DLGAP2: variants seen among roughly 807,000 people sequenced by gnomAD.
DLGAP2 encodes the protein disks large-associated protein 2.
A neutral mutation model predicts 100.3 loss-of-function variants in DLGAP2; 26 were observed. The observed-to-expected ratio is 0.26, with a 90% confidence interval of 0.19 to 0.36. The LOEUF is 0.36. Among genes scored for constraint, DLGAP2 ranks in the 10% least tolerant of loss-of-function variants. DLGAP2 has a pLI of 1.00. For synonymous variants in DLGAP2, 886 were observed against 630.1 expected, an observed-to-expected ratio of 1.41 and a Z score of -6.08; for missense variants, 1,858 against 1,453.2, an observed-to-expected ratio of 1.28 and a Z score of -4.53.
At chr8:1,581,000 A>G (rs1163386855) in intron 6 of DLGAP2, among the ~76,000 whole-genome samples, 1 of 151,978 alleles carries the variant, frequency 6.6e-6, no homozygotes, top group African/African-American at 2.4e-5. Flanking sequence ...GGATACAGAC[A>G]AAACCCCACA....
intron 2 of DLGAP2, among the ~76,000 whole-genome samples, chr8:1,062,656 C>T (rs1803121603): frequency 1.3e-5 from 2 of 152,188 alleles, no homozygotes; most frequent in East Asian, 3.9e-4. Flanking sequence ...CCCTCCCTCC[C>T]TCCTGGCCAT....
intron 1 of DLGAP2, among the ~76,000 whole-genome samples, chr8:809,168 G>C (rs1225996019): frequency 2.0e-5 from 3 of 152,238 alleles, no homozygotes; most frequent in African/African-American, 7.2e-5. Flanking sequence ...GCCTCCCAAA[G>C]TGCTGGAATT....
chr8:1,203,343 C>A (rs912811960), intron 2 of DLGAP2, among the ~76,000 whole-genome samples: 1 of 151,970 alleles, frequency 6.6e-6, no homozygotes, highest in Non-Finnish European at 1.5e-5. Context: ...GCCACCCACC[C>A]CTCGGTGTTA....
chr8:925,776 C>T (rs758835739), intron 2 of DLGAP2, among the ~76,000 whole-genome samples: 14 of 152,134 alleles, frequency 9.2e-5, no homozygotes, highest in Non-Finnish European at 1.6e-4. Flanking sequence ...CTGAGATCTG[C>T]TCAGCCAGCT....
intron 2 of DLGAP2, among the ~76,000 whole-genome samples, chr8:993,935 T>C (rs1445512985): frequency 6.6e-6 from 1 of 152,038 alleles, no homozygotes; most frequent in Non-Finnish European, 1.5e-5. Flanking sequence ...CGGCTGGTAA[T>C]TTTCCCTTTT....
intron 5 of DLGAP2, among the ~76,000 whole-genome samples, chr8:1,559,416 T>C (rs1802082958): frequency 6.6e-6 from 1 of 152,184 alleles, no homozygotes; most frequent in African/African-American, 2.4e-5. Flanking sequence ...AGTATTGCTC[T>C]TCTGTTCTTT....
At chr8:1,200,605 C>T (rs962541354) in intron 2 of DLGAP2, among the ~76,000 whole-genome samples, 2 of 152,188 alleles carry the variant, frequency 1.3e-5, no homozygotes, top group African/African-American at 2.4e-5. Context: ...CGTCCATTAG[C>T]GTCACCAAAG....
intron 3 of DLGAP2, among the ~76,000 whole-genome samples, chr8:1,427,180 A>G (rs907694507): frequency 2.0e-5 from 3 of 152,220 alleles, no homozygotes; most frequent in African/African-American, 7.2e-5. Context: ...CTAGCATTAA[A>G]TTTCATAAAA....
rs957632294 is a variant in DLGAP2 at position 1,635,377 on chromosome 8, G to A, written c.1810+2331G>A. Among the ~76,000 whole-genome samples, 3 of 152,188 alleles carry A rather than the reference G, an allele frequency of 2.0e-5. No homozygotes were observed. The East Asian group carries it at 5.8e-4, about 29-fold the overall frequency. On this transcript the variant is annotated intron_variant, in intron 8 of 14. Coordinates refer to ENST00000637795, the MANE Select transcript of DLGAP2 (RefSeq NM_001346810.2). The stretch of plus-strand genomic sequence containing the variant: ...TTCATCCAAAGTTTCCTGTCCGTGA[G>A]TCAGGCGGATTTCAAAAATTTTCTA...
At chr8:777,679 C>T (rs973665813) in intron 1 of DLGAP2, among the ~76,000 whole-genome samples, 3 of 152,024 alleles carry the variant, frequency 2.0e-5, no homozygotes, top group Non-Finnish European at 2.9e-5. Context: ...AATATTGGCC[C>T]CCACTCTCTT....
chr8:1,458,586 T>C (rs539162631), intron 3 of DLGAP2, among the ~76,000 whole-genome samples: 32 of 152,316 alleles, frequency 2.1e-4, no homozygotes, highest in African/African-American at 7.7e-4. Flanking sequence ...TTCTGCAAAG[T>C]GGTGTGTAAA....
At chr8:1,027,956 C>T (rs1247921550) in intron 2 of DLGAP2, among the ~76,000 whole-genome samples, 3 of 140,812 alleles carry the variant, frequency 2.1e-5, no homozygotes, top group Non-Finnish European at 1.5e-5. Flanking sequence ...CGGTGCCAGG[C>T]GCTCGTTATT....
chr8:1,207,321 C>G (rs746743825), intron 2 of DLGAP2, among the ~76,000 whole-genome samples: 7 of 152,332 alleles, frequency 4.6e-5, no homozygotes, highest in Non-Finnish European at 8.8e-5. Flanking sequence ...TAAGTGAGCA[C>G]ATACAATGTT....
intron 3 of DLGAP2, among the ~76,000 whole-genome samples, chr8:1,431,456 C>G (rs1435715731): frequency 6.6e-6 from 1 of 152,188 alleles, no homozygotes; most frequent in Non-Finnish European, 1.5e-5. Flanking sequence ...TAGACTCTAC[C>G]CGTGGGCAAA....
chr8:1,572,538 G>A (rs1329527586), intron 6 of DLGAP2, among the ~76,000 whole-genome samples: 1 of 136,512 alleles, frequency 7.3e-6, no homozygotes, highest in Non-Finnish European at 1.6e-5. Flanking sequence ...GTGAACTGTG[G>A]GGGCGTCTGA....
Position 1,697,267 on chromosome 8 carries a change from G to A in DLGAP2, c.2917G>A (p.Asp973Asn), listed in dbSNP as rs770952289. Residue 973 changes from aspartate to asparagine, a missense_variant, in exon 14 of 15, where the codon GAC (aspartate) becomes AAC (asparagine). Transcript: ENST00000637795. ...CGAGCTGCAGCGGCTGCGGCTCAACGACTGGAAGATGATGGAGTCCCCGGA... is the reference window on the plus strand; with the variant it reads ...CGAGCTGCAGCGGCTGCGGCTCAACAACTGGAAGATGATGGAGTCCCCGGA... Reference protein sequence around the residue: ...FDELQRLRLNDWKMMESPERK... With the variant: ...FDELQRLRLNNWKMMESPERK... 52 of 1,609,714 alleles carry A rather than the reference G, an allele frequency of 3.2e-5. No individual in the cohort carries two copies. In the African/African-American group the frequency reaches 4.1e-4, roughly 13 times the overall value.
intron 2 of DLGAP2, among the ~76,000 whole-genome samples, chr8:1,213,544 C>G (rs1314422225): frequency 1.3e-5 from 2 of 152,120 alleles, no homozygotes; most frequent in Admixed American, 6.5e-5. Context: ...GGATTTCCAC[C>G]TGTATTCCTA....
At chr8:1,118,144 C>T (rs903268618) in intron 2 of DLGAP2, among the ~76,000 whole-genome samples, 6 of 152,170 alleles carry the variant, frequency 3.9e-5, no homozygotes, top group East Asian at 1.9e-4. Context: ...AAATTAACCG[C>T]AGTTCAGAAA....
intron 3 of DLGAP2, among the ~76,000 whole-genome samples, chr8:1,498,065 A>C (rs546901915): frequency 6.6e-6 from 1 of 152,306 alleles, no homozygotes; most frequent in African/African-American, 2.4e-5. Flanking sequence ...AGGCAGGACA[A>C]CTGGAAGTGA....
Sources: allele counts gnomAD v4.1 joint callset (sites outside exome capture counted in the v4.1 genomes callset), GRCh38; gene constraint gnomAD v4.1.1; transcripts MANE v1.5; gene names NCBI Gene and HGNC (gene_info 2026-07-23, HGNC 2026-07-21).